The following ZNF253 variants were observed in gnomAD, a reference collection of about 807,000 sequenced individuals.
The protein encoded by ZNF253 is DNA-binding protein.
In ZNF253, 8 loss-of-function variants were observed where a neutral mutation model predicts 11.9. The ratio of observed to expected loss-of-function variants is 0.67; its 90% confidence interval spans 0.40 to 1.22. The LOEUF is 1.22. ZNF253 is among the 50% of genes most tolerant of loss of function. The probability of loss-of-function intolerance (pLI) is 0.01; values close to 1 mark genes in which losing one functional copy is unlikely to be tolerated. For missense variants in ZNF253, 485 were observed against 586.9 expected (o/e 0.83, Z 1.79); for synonymous variants, 194 against 194.9 (o/e 1.00, Z 0.04).
Position 19,893,457 on chromosome 19 carries a change from A to G in ZNF253, c.*710A>G, listed in dbSNP as rs1248832464. The G allele has an allele frequency of 1.3e-5, 2 of 152,236 alleles. No individual in the cohort carries two copies. Among genetic ancestry groups the G allele is most frequent in the Non-Finnish European group, 2.9e-5 (2 of 68,058 alleles). The allele number at this position is 152,236 out of a possible 1,614,324, so 9.4% of individuals were successfully genotyped here. A position where few individuals can be genotyped will look rare whatever the true frequency, so the allele number is the denominator to read the frequency against. ...AAATTATACTAGTGTAATACCCTAGAAATGTATAAAATGTGACAAAGCCTT... is the reference window on the plus strand; with the variant it reads ...AAATTATACTAGTGTAATACCCTAGGAATGTATAAAATGTGACAAAGCCTT... On this transcript the variant is annotated 3_prime_UTR_variant, in exon 4 of 4. Coordinates refer to ENST00000589717, the MANE Select transcript of ZNF253 (RefSeq NM_021047.3).
rs774353608 is a variant in ZNF253 at position 19,892,364 on chromosome 19, T to C, written c.1117T>C (p.Cys373Arg). 7 of 1,613,930 alleles carry C rather than the reference T, an allele frequency of 4.3e-6. No individual in the cohort carries two copies. The Admixed American group carries it at 1.2e-4, about 27-fold the overall frequency. Residue 373 changes from cysteine to arginine, a missense_variant, in exon 4 of 4, where the codon TGT becomes CGT. By Grantham distance (180) the Cys-to-Arg change is radical. This residue lies in a region of ZNF253 where 232 missense variants were observed against 321.4 expected (regional missense o/e 0.72). Coordinates refer to ENST00000589717, the MANE Select transcript of ZNF253 (RefSeq NM_021047.3). ...AGAGAAACCCTACAGATGTAGAGAA[T>C]GTGGCAAAGCTTTTAACCATTCCAC... ...TGEKPYRCRECGKAFNHSTTL... is the reference protein window; with the variant it reads ...TGEKPYRCRERGKAFNHSTTL...
chr19:19,891,323 A>T, intron 3 of ZNF253, 151 bp from the exon 4 acceptor site: 1 of 651,592 alleles, frequency 1.5e-6, no homozygotes, highest in Non-Finnish European at 2.5e-6. Flanking sequence ...TGTTTTTGTT[A>T]CATTTATGTG....
chr19:19,866,823 G>A (rs1051223006), intron 1 of ZNF253, among the ~76,000 whole-genome samples: 15 of 152,002 alleles, frequency 9.9e-5, no homozygotes, highest in African/African-American at 3.6e-4. Flanking sequence ...CATTGGCCGG[G>A]GTCTGACCTC....
In ZNF253 at chr19:19,867,311, AGAGAG is replaced by A. The variant is rs752883584; in HGVS notation, c.3+1313_3+1317del. Among the ~76,000 whole-genome samples, 1,315 of 152,358 alleles carry A rather than the reference AGAGAG, an allele frequency of 8.6e-3. 10 individuals are homozygous for A. Among genetic ancestry groups the A allele is most frequent in the Middle Eastern group, 0.02 (6 of 294 alleles). Reference sequence around the variant, plus strand: ...CATGATCATTTATTTTTAAATGGCCAGAGAGTATTCCATGATATTTATGTACCATA... The same window carrying A: ...CATGATCATTTATTTTTAAATGGCCATATTCCATGATATTTATGTACCATA... On this transcript the variant is annotated intron_variant, in intron 1 of 3. Coordinates refer to ENST00000589717, the MANE Select transcript of ZNF253 (RefSeq NM_021047.3).
intron 1 of ZNF253, among the ~76,000 whole-genome samples, chr19:19,869,040 A>G (rs558632076): frequency 6.6e-6 from 1 of 152,064 alleles, no homozygotes; most frequent in South Asian, 2.1e-4. Flanking sequence ...TGAAAAGTTT[A>G]TTTTTTTCAT....
intron 3 of ZNF253, among the ~76,000 whole-genome samples, chr19:19,887,650 T>C (rs1281108321): frequency 3.9e-5 from 6 of 152,168 alleles, no homozygotes; most frequent in African/African-American, 1.2e-4. Context: ...TTTTGACCTC[T>C]TCTGCTCTCA....
chr19:19,880,182 C>T, intron 3 of ZNF253, 36 bp downstream of exon 3: 2 of 1,475,460 alleles, frequency 1.4e-6, no homozygotes, highest in East Asian at 2.4e-5. Context: ...ACAGATGACA[C>T]AGATAAAAGG....
chr19:19,880,603 G>A (rs1312776570), intron 3 of ZNF253, among the ~76,000 whole-genome samples: 1 of 151,970 alleles, frequency 6.6e-6, no homozygotes, highest in African/African-American at 2.4e-5. Context: ...TACTTGGGAG[G>A]CTGAGTCAGG....
intron 1 of ZNF253, among the ~76,000 whole-genome samples, chr19:19,874,337 A>G (rs1344305990): frequency 2.0e-5 from 3 of 151,968 alleles, no homozygotes; most frequent in Non-Finnish European, 4.4e-5. Flanking sequence ...CAGACTGGCC[A>G]TTATGGTGAA....
intron 3 of ZNF253, among the ~76,000 whole-genome samples, chr19:19,883,675 A>C (rs2063187086): frequency 6.6e-6 from 1 of 152,194 alleles, no homozygotes; most frequent in South Asian, 2.1e-4. Context: ...CTTAATTCCC[A>C]TTAAGTAACA....
intron 1 of ZNF253, among the ~76,000 whole-genome samples, chr19:19,874,871 C>T (rs2063148687): frequency 6.6e-6 from 1 of 152,138 alleles, no homozygotes; most frequent in Non-Finnish European, 1.5e-5. Context: ...GAGATCGCGC[C>T]ACTGCACTCC....
At chr19:19,888,156 A>G (rs1484744822) in intron 3 of ZNF253, among the ~76,000 whole-genome samples, 1 of 146,790 alleles carries the variant, frequency 6.8e-6, no homozygotes, top group African/African-American at 2.5e-5. Flanking sequence ...CTCTGCCTCT[A>G]AGGTTCAAGT....
At chr19:19,888,786 C>T (rs1268271725) in intron 3 of ZNF253, among the ~76,000 whole-genome samples, 2 of 152,088 alleles carry the variant, frequency 1.3e-5, no homozygotes, top group African/African-American at 2.4e-5. Flanking sequence ...ATGTGCATAT[C>T]TTCTCCAGAA....
intron 3 of ZNF253, 120 bp from the exon 4 acceptor site, chr19:19,891,354 G>A (rs1389981503): frequency 3.8e-6 from 3 of 788,806 alleles, no homozygotes; most frequent in African/African-American, 3.5e-5. Context: ...AATCAGAACT[G>A]GTGGTATTTT....
rs548286832 is a variant in ZNF253 at position 19,878,068 on chromosome 19, C to T, written c.4-413C>T. Among the ~76,000 whole-genome samples the T allele has an allele frequency of 2.8e-5, 4 of 142,792 alleles. No homozygotes were observed. The East Asian group carries it at 8.8e-4, about 31-fold the overall frequency. 93.7% of individuals were successfully genotyped at this position (142,792 alleles called of 152,430 possible). On this transcript the variant is annotated intron_variant, in intron 1 of 3. Coordinates refer to ENST00000589717, the MANE Select transcript of ZNF253 (RefSeq NM_021047.3). ...AAGTCAGACTTTATGCCAGATCTTC[C>T]GGAATAAAAAAAAACCCTGCACAAC...
intron 3 of ZNF253, among the ~76,000 whole-genome samples, chr19:19,882,384 C>T (rs988710639): frequency 6.8e-4 from 103 of 152,156 alleles, no homozygotes; most frequent in African/African-American, 2.4e-3. Context: ...GGGGTTGTAG[C>T]TTGGTCACAA....
intron 3 of ZNF253, among the ~76,000 whole-genome samples, chr19:19,880,765 T>TG (rs1161410897): frequency 3.3e-5 from 5 of 151,990 alleles, no homozygotes; most frequent in Non-Finnish European, 5.9e-5. Flanking sequence ...TCCATTGTTT[T>TG]GGGGACACAC....
At chr19:19,866,904 G>C (rs553667411) in intron 1 of ZNF253, among the ~76,000 whole-genome samples, 1 of 152,252 alleles carries the variant, frequency 6.6e-6, no homozygotes, top group African/African-American at 2.4e-5. Flanking sequence ...TGGAACAGGC[G>C]GTTTGGGTTG....
chr19:19,891,756 A>G lies in ZNF253; in HGVS notation c.509A>G (p.Asn170Ser), dbSNP rs1340678832. ...NTYKTRHTGI[N>S]LFKCIICGKA... ...TATAAGACAAGACATACTGGAATAA[A>G]TCTTTTCAAATGTATAATATGTGGC... The change falls in exon 4 of 4, where the codon AAT becomes AGT. Residue 170 changes from asparagine (N) to serine (S), a missense_variant. Transcript: ENST00000589717. The G allele has an allele frequency of 6.2e-7, 1 of 1,614,008 alleles. No homozygotes were observed. Among genetic ancestry groups the G allele is most frequent in the Non-Finnish European group, 8.5e-7 (1 of 1,180,002 alleles).
Sources: allele counts gnomAD v4.1 joint callset (sites outside exome capture counted in the v4.1 genomes callset), GRCh38; gene constraint gnomAD v4.1.1; regional missense constraint gnomAD v4.1.1; transcripts MANE v1.5; gene names NCBI Gene and HGNC (gene_info 2026-07-23, HGNC 2026-07-21).